Variants in NBEA observed in about 807,000 individuals in gnomAD.
The protein encoded by NBEA is neurobeachin, also known as lysosomal-trafficking regulator 2.
In NBEA, 44 loss-of-function variants were observed where a neutral mutation model predicts 343.4. The ratio of observed to expected loss-of-function variants is 0.13; its 90% CI spans 0.10 to 0.16. The LOEUF is 0.16. Ranked by LOEUF, NBEA falls within the 10% of genes least tolerant of loss-of-function variation. The probability of loss-of-function intolerance (pLI) is 1.00; values close to 1 mark genes in which losing one functional copy is unlikely to be tolerated. For missense variants in NBEA, 2,555 were observed against 3,631.3 expected (o/e 0.70, Z 7.62); for synonymous variants, 1,175 against 1,238.7 (o/e 0.95, Z 1.08).
intron 34 of NBEA, among the ~76,000 whole-genome samples, chr13:35,279,320 G>A (rs370291800): frequency 1.3e-5 from 2 of 152,064 alleles, no homozygotes; most frequent in African/African-American, 4.8e-5. Flanking sequence ...AGGAAATTTA[G>A]TGTCAAGAAT....
chr13:34,971,231 C>G (rs1278556118), intron 1 of NBEA, among the ~76,000 whole-genome samples: 1 of 151,948 alleles, frequency 6.6e-6, no homozygotes, highest in Admixed American at 6.6e-5. Flanking sequence ...ATTTTGTATC[C>G]TAAGATTTCC....
chr13:35,289,507 G>C (rs929684011), intron 34 of NBEA, among the ~76,000 whole-genome samples: 2 of 151,722 alleles, frequency 1.3e-5, no homozygotes, highest in African/African-American at 4.8e-5. Flanking sequence ...ATTAAGATCT[G>C]CTTTCTTATA....
At chr13:35,120,311 C>T (rs1288570118) in intron 16 of NBEA, among the ~76,000 whole-genome samples, 1 of 152,240 alleles carries the variant, frequency 6.6e-6, no homozygotes, top group Admixed American at 6.5e-5. Flanking sequence ...GCCTTGTGCT[C>T]ATGGCTGACC....
intron 1 of NBEA, among the ~76,000 whole-genome samples, chr13:34,987,633 A>G (rs1417464723): frequency 1.3e-5 from 2 of 150,994 alleles, no homozygotes; most frequent in Non-Finnish European, 3.0e-5. Flanking sequence ...AGGTACACCA[A>G]TCAAACGTAG....
At chr13:35,488,719 A>C (rs2076393284) in intron 41 of NBEA, among the ~76,000 whole-genome samples, 1 of 151,908 alleles carries the variant, frequency 6.6e-6, no homozygotes, top group East Asian at 1.9e-4. Flanking sequence ...ACTTGAAGCC[A>C]ATGTGAAAAT....
chr13:35,173,939 C>G (rs1196429370), intron 27 of NBEA, among the ~76,000 whole-genome samples: 1 of 152,086 alleles, frequency 6.6e-6, no homozygotes, highest in Non-Finnish European at 1.5e-5. Context: ...GCATAATAGT[C>G]AACAAAAACT....
chr13:35,664,787 A>G (rs1179486141), intron 55 of NBEA, among the ~76,000 whole-genome samples: 9 of 152,234 alleles, frequency 5.9e-5, no homozygotes, highest in African/African-American at 2.2e-4. Context: ...CAGGCATTGT[A>G]CCTGTTTCAT....
chr13:35,566,909 G>A lies in NBEA; in HGVS notation c.6927G>A (p.Arg2309=). The change falls in exon 45 of 59, where the codon CGG becomes CGA. Residue 2309 remains arginine, a synonymous_variant. Transcript: ENST00000379939. ...YLMFLNTIAG[R]TYNDLNQYPV... ...ATTTCTGTTTTTCTTTACTAGGACG[G>A]ACATATAATGATCTGAACCAATATC... 1 of 1,581,146 alleles carries A rather than the reference G, an allele frequency of 6.3e-7. No individual in the cohort carries two copies. Among genetic ancestry groups the A allele is most frequent in the Non-Finnish European group, 8.7e-7 (1 of 1,154,106 alleles).
At chr13:35,646,010 C>A in intron 50 of NBEA, 79 bp downstream of exon 50, 2 of 917,666 alleles carry the variant, frequency 2.2e-6, no homozygotes, top group Non-Finnish European at 3.3e-6. Context: ...AGATTTTCCA[C>A]ATTTAACCCC....
At chr13:35,371,786 A>G (rs2095782) in intron 38 of NBEA, among the ~76,000 whole-genome samples, 44,360 of 152,036 alleles carry the variant, frequency 0.29, 8,324 homozygotes, top group African/African-American at 0.54. Context: ...TTATGAAGAT[A>G]TGTCTGTGGT....
At chr13:35,281,050 C>T (rs530496310) in intron 34 of NBEA, among the ~76,000 whole-genome samples, 1 of 152,080 alleles carries the variant, frequency 6.6e-6, no homozygotes, top group Admixed American at 6.5e-5. Context: ...TAAGATCTCA[C>T]CATGAATTGT....
chr13:35,058,446 T>G (rs1369864978), intron 7 of NBEA, among the ~76,000 whole-genome samples: 2 of 152,068 alleles, frequency 1.3e-5, no homozygotes, highest in Admixed American at 1.3e-4. Context: ...ATTTTGCCTT[T>G]AACTATAGTA....
chr13:35,328,734 G>A (rs2038740267), intron 36 of NBEA, among the ~76,000 whole-genome samples: 1 of 150,742 alleles, frequency 6.6e-6, no homozygotes, highest in Admixed American at 6.6e-5. Context: ...TCTTTCTAAA[G>A]TGAGAGACAC....
intron 10 of NBEA, among the ~76,000 whole-genome samples, chr13:35,074,434 TTA>T (rs2064021330): frequency 6.6e-6 from 1 of 152,110 alleles, no homozygotes; most frequent in African/African-American, 2.4e-5. Context: ...TGAAAAAAAA[TTA>T]TGTTTTCTGG....
At chr13:35,079,030 A>T (rs2064251715) in intron 10 of NBEA, among the ~76,000 whole-genome samples, 1 of 152,126 alleles carries the variant, frequency 6.6e-6, no homozygotes, top group South Asian at 2.1e-4. Flanking sequence ...TTAAAAACAA[A>T]AAACAAAAAA....
chr13:35,143,963 A>G (rs1040739395), intron 18 of NBEA, among the ~76,000 whole-genome samples: 3 of 152,238 alleles, frequency 2.0e-5, no homozygotes, highest in Admixed American at 6.5e-5. Flanking sequence ...CATGTAAGCC[A>G]TGGAACAGAT....
rs576195659 is a variant in NBEA at position 35,042,474 on chromosome 13, A to AT, written c.526+1320dup. ...TCTTACATCTGAGCTTAAGCTCTTA[A>AT]TTTTTTTTTTGTAAATTGGCTGCTA... is the stretch of plus-strand genomic sequence containing the variant. On this transcript the variant is annotated intron_variant, in intron 2 of 58. Transcript: ENST00000379939. Among the ~76,000 whole-genome samples, 13 of 149,372 alleles carry AT rather than the reference A, an allele frequency of 8.7e-5. 1 individual carries two copies. The South Asian group carries it at 1.3e-3, about 15-fold the overall frequency.
At chr13:35,329,004 T>C (rs1290836437) in intron 36 of NBEA, among the ~76,000 whole-genome samples, 1 of 151,738 alleles carries the variant, frequency 6.6e-6, no homozygotes, top group Admixed American at 6.6e-5. Flanking sequence ...AACTCAATGA[T>C]AAAAAGATGA....
At chr13:35,055,892 G>A in intron 6 of NBEA, 118 bp from the exon 7 acceptor site, 1 of 717,370 alleles carries the variant, frequency 1.4e-6, no homozygotes, top group Non-Finnish European at 2.0e-6. Flanking sequence ...AGTGGTATTA[G>A]ATGATCCTTA....
Sources: allele counts gnomAD v4.1 joint callset (sites outside exome capture counted in the v4.1 genomes callset), GRCh38; gene constraint gnomAD v4.1.1; transcripts MANE v1.5; gene names NCBI Gene and HGNC (gene_info 2026-07-23, HGNC 2026-07-21).